COL5A2: variants seen among roughly 807,000 people sequenced by gnomAD.
COL5A2 encodes the protein collagen alpha-2(V) chain.
In COL5A2, 23 loss-of-function variants were observed where a neutral mutation model predicts 208.2. The ratio of observed to expected loss-of-function variants is 0.11; its 90% confidence interval spans 0.08 to 0.16. COL5A2 has a LOEUF of 0.16. Ranked by LOEUF, COL5A2 falls within the 10% of genes least tolerant of loss-of-function variation. The pLI is 1.00. For synonymous variants in COL5A2, 625 were observed against 628.5 expected (o/e 0.99, Z 0.08); for missense variants, 1,590 against 1,956.4 (o/e 0.81, Z 3.53).
At chr2:189,037,750 A>G (rs1157728288) in intron 51 of COL5A2, among the ~76,000 whole-genome samples, 2 of 152,204 alleles carry the variant, frequency 1.3e-5, no homozygotes, top group Admixed American at 1.3e-4. Flanking sequence ...AGATTCCAAA[A>G]GTATGACTCA....
chr2:189,120,057 G>C (rs1432677152), intron 1 of COL5A2, among the ~76,000 whole-genome samples: 1 of 152,084 alleles, frequency 6.6e-6, no homozygotes, highest in African/African-American at 2.4e-5. Context: ...AAAAGGAATA[G>C]AGGCATTAGT....
chr2:189,351,603 A>G, the COL5A2 span, among the ~76,000 whole-genome samples: 1 of 152,180 alleles, frequency 6.6e-6, no homozygotes, highest in Non-Finnish European at 1.5e-5. Context: ...ATTTTGTGTC[A>G]TTTTGAATTT....
the COL5A2 span, among the ~76,000 whole-genome samples, chr2:189,257,932 G>A: frequency 2.6e-5 from 4 of 152,190 alleles, no homozygotes; most frequent in East Asian, 7.8e-4. Flanking sequence ...GGCTAACACA[G>A]TGAAACCCTG....
chr2:189,055,114 C>A (rs751100877), intron 35 of COL5A2, among the ~76,000 whole-genome samples: 6 of 152,040 alleles, frequency 3.9e-5, no homozygotes, highest in African/African-American at 7.2e-5. Context: ...TGATCTCCTG[C>A]CCTCATGATC....
the COL5A2 span, among the ~76,000 whole-genome samples, chr2:189,392,147 GAGA>G: frequency 1.3e-5 from 2 of 152,088 alleles, no homozygotes; most frequent in Non-Finnish European, 2.9e-5. Context: ...TAAAATATCT[GAGA>G]AGTTTAGACA....
chr2:189,219,649 T>C (rs1689322808), intron 1 of COL5A2, among the ~76,000 whole-genome samples: 1 of 152,226 alleles, frequency 6.6e-6, no homozygotes, highest in East Asian at 1.9e-4. Context: ...GTTTCTCCTA[T>C]CATGGTATTT....
At chr2:189,138,483 T>C (rs1288829706) in intron 1 of COL5A2, among the ~76,000 whole-genome samples, 2 of 152,194 alleles carry the variant, frequency 1.3e-5, no homozygotes, top group Non-Finnish European at 2.9e-5. Flanking sequence ...GATATTTGTA[T>C]ATACAACTAT....
chr2:189,068,916 A>G, intron 18 of COL5A2, 32 bp from the exon 19 acceptor site: 1 of 1,437,744 alleles, frequency 7.0e-7, no homozygotes, highest in Non-Finnish European at 9.8e-7. Flanking sequence ...TGTTAATTTA[A>G]GAAAAATACG....
At chr2:189,406,980 G>C in the COL5A2 span, among the ~76,000 whole-genome samples, 2 of 152,074 alleles carry the variant, frequency 1.3e-5, no homozygotes, top group African/African-American at 2.4e-5. Flanking sequence ...TCAAACAGTT[G>C]ATGAATGAAT....
chr2:189,129,495 A>G (rs1687669793), intron 1 of COL5A2, among the ~76,000 whole-genome samples: 1 of 152,096 alleles, frequency 6.6e-6, no homozygotes, highest in Admixed American at 6.5e-5. Context: ...AAAATGGTGT[A>G]AATAAAATAA....
upstream of COL5A2, chr2:189,179,784 A>G: frequency 1.1e-6 from 1 of 910,816 alleles, no homozygotes. Context: ...CAAGCGATGC[A>G]GCTTTAAATA....
Position 189,054,215 on chromosome 2 carries a change from G to A in COL5A2, c.2392-3C>T, listed in dbSNP as rs1685853194. The A allele has an allele frequency of 6.2e-7, 1 of 1,612,380 alleles. No individual in the cohort carries two copies. The highest frequency in any genetic ancestry group is 8.5e-7 in the Non-Finnish European group (1 of 1,178,564). The stretch of plus-strand genomic sequence containing the variant: ...GGGCCCAAAGGACCTGGAAGACCCT[G>A]TCAATTAACAGAACATAGGCATATT... On this transcript the variant is annotated splice_region_variant and splice_polypyrimidine_tract_variant and intron_variant, in intron 35 of 53. Coordinates refer to ENST00000374866, the MANE Select transcript of COL5A2 (RefSeq NM_000393.5).
chr2:189,035,234 A>C (rs1431802936), intron 52 of COL5A2, 79 bp from the exon 53 acceptor site: 1 of 1,559,030 alleles, frequency 6.4e-7, no homozygotes, highest in Non-Finnish European at 8.8e-7. Flanking sequence ...ATAAATATAT[A>C]AATTGATTTC....
rs1230622631 is a variant in COL5A2, at chr2:189,090,512, A to G, written c.568-1740T>C. ...ACTCAACAATAGACTTTCAATGTAC[A>G]CAAAACAGCCTTCTGTTGGAAGAAG... On this transcript the variant is annotated intron_variant, in intron 7 of 53. Transcript: ENST00000374866. 2.6e-5 allele frequency among the ~76,000 whole-genome samples: 4 copies of G among 152,368 alleles called. No individual in the cohort carries two copies. In the South Asian group the frequency reaches 8.3e-4, roughly 32 times the overall value.
chr2:189,324,717 T>A, the COL5A2 span, among the ~76,000 whole-genome samples: 1 of 152,216 alleles, frequency 6.6e-6, no homozygotes, highest in Admixed American at 6.5e-5. Context: ...ACACTGTTAG[T>A]GGGACTGTAA....
the COL5A2 span, among the ~76,000 whole-genome samples, chr2:189,369,427 G>T: frequency 6.6e-6 from 1 of 151,798 alleles, no homozygotes; most frequent in African/African-American, 2.4e-5. Context: ...TATCTATTTT[G>T]TATGTAGAAT....
the COL5A2 span, among the ~76,000 whole-genome samples, chr2:189,392,052 TCTCA>T: frequency 5.9e-5 from 9 of 152,178 alleles, no homozygotes; most frequent in African/African-American, 1.4e-4. Context: ...ATTCCTTTAT[TCTCA>T]CTATTTTTAA....
chr2:189,196,407 G>A (rs573431003), intron 1 of COL5A2, among the ~76,000 whole-genome samples: 1 of 146,600 alleles, frequency 6.8e-6, no homozygotes, highest in South Asian at 2.3e-4. Flanking sequence ...GACATTTTCT[G>A]AGCTACTTGA....
intron 1 of COL5A2, among the ~76,000 whole-genome samples, chr2:189,175,956 A>G (rs1688671436): frequency 6.6e-6 from 1 of 152,230 alleles, no homozygotes; most frequent in Non-Finnish European, 1.5e-5. Flanking sequence ...TTCAACAGTA[A>G]TGAGTTTAAA....
Sources: gnomAD v4.1 joint callset for allele counts (sites outside exome capture counted in the v4.1 genomes callset) on GRCh38, gnomAD v4.1.1 for gene constraint, MANE v1.5 for transcripts, NCBI Gene and HGNC (gene_info 2026-07-23, HGNC 2026-07-21) for gene names.